Variants in SEMA6D observed in about 807,000 individuals in gnomAD.
SEMA6D encodes semaphorin 6D.
A neutral mutation model predicts 106.6 loss-of-function variants in SEMA6D; 35 were observed. The ratio of observed to expected loss-of-function variants is 0.33; its 90% CI spans 0.25 to 0.44. The LOEUF is 0.44. Among genes scored for constraint, SEMA6D ranks in the 20% least tolerant of loss-of-function variants. The probability of loss-of-function intolerance (pLI) is 1.00; values close to 1 mark genes in which losing one functional copy is unlikely to be tolerated. For missense variants in SEMA6D, 1,185 were observed against 1,345.9 expected (o/e 0.88, Z 1.87); for synonymous variants, 499 against 487.7 (o/e 1.02, Z -0.31).
intron 1 of SEMA6D, among the ~76,000 whole-genome samples, chr15:47,743,616 G>A (rs994366264): frequency 6.6e-5 from 10 of 152,186 alleles, no homozygotes; most frequent in Non-Finnish European, 1.5e-5. Flanking sequence ...GCCGGAGAAG[G>A]AAAAGAAGGA....
chr15:47,382,854 G>A (rs1195122024), intron 1 of SEMA6D, among the ~76,000 whole-genome samples: 3 of 152,156 alleles, frequency 2.0e-5, no homozygotes, highest in African/African-American at 7.2e-5. Context: ...TGTAACCTCC[G>A]GCTCCCGGGC....
intron 1 of SEMA6D, among the ~76,000 whole-genome samples, chr15:47,384,408 C>T (rs1373808097): frequency 6.6e-6 from 1 of 152,208 alleles, no homozygotes; most frequent in African/African-American, 2.4e-5. Flanking sequence ...TCCCACTCTT[C>T]CATCTGTCAG....
chr15:47,232,925 T>TA (rs1334404564), intron 1 of SEMA6D, among the ~76,000 whole-genome samples: 2 of 151,886 alleles, frequency 1.3e-5, no homozygotes, highest in Admixed American at 1.3e-4. Context: ...CACACACACA[T>TA]ACACACAAAT....
At chr15:47,471,367 C>G (rs929519624) in intron 3 of SEMA6D, among the ~76,000 whole-genome samples, 6 of 152,196 alleles carry the variant, frequency 3.9e-5, no homozygotes, top group African/African-American at 1.4e-4. Context: ...CTTTCCCCCC[C>G]AGAAATGGGT....
At chr15:47,690,017 C>T (rs914322641) in intron 4 of SEMA6D, among the ~76,000 whole-genome samples, 55 of 152,206 alleles carry the variant, frequency 3.6e-4, no homozygotes, top group Non-Finnish European at 1.6e-4. Context: ...TTAAAAACCC[C>T]CTCCATGGCC....
rs1338470445 is a variant in SEMA6D, at chr15:47,214,655, C to G, written c.-239+30237C>G. Among the ~76,000 whole-genome samples, 5 of 152,270 alleles carry G rather than the reference C, an allele frequency of 3.3e-5. No individual in the cohort carries two copies. In the East Asian group the frequency reaches 9.7e-4, roughly 29 times the overall value. ...CCACGTTAGAAATTCTCTTTGGACT[C>G]TCTAATCTTTCTGCCCTGATACAAA... On this transcript the variant is annotated intron_variant, in intron 1 of 19. Transcript: ENST00000558014.
At chr15:47,585,149 T>G (rs1410569095) in intron 3 of SEMA6D, among the ~76,000 whole-genome samples, 1 of 152,336 alleles carries the variant, frequency 6.6e-6, no homozygotes, top group Non-Finnish European at 1.5e-5. Context: ...TGATGTGACC[T>G]CACATAATAC....
intron 2 of SEMA6D, among the ~76,000 whole-genome samples, chr15:47,454,657 G>T (rs1220133439): frequency 6.6e-6 from 1 of 151,000 alleles, no homozygotes; most frequent in Non-Finnish European, 1.5e-5. Flanking sequence ...TTATCTCACA[G>T]GACATACTGA....
chr15:47,492,172 G>C (rs1045270449), intron 3 of SEMA6D, among the ~76,000 whole-genome samples: 16 of 152,260 alleles, frequency 1.1e-4, no homozygotes, highest in African/African-American at 3.6e-4. Context: ...CAAATGTTCA[G>C]TTCAAATGCT....
chr15:47,464,975 A>G (rs2042616361), intron 2 of SEMA6D, among the ~76,000 whole-genome samples: 1 of 152,106 alleles, frequency 6.6e-6, no homozygotes, highest in East Asian at 1.9e-4. Flanking sequence ...ATATGTATGA[A>G]TCCCAGTGAT....
At chr15:47,514,440 C>T (rs2044324483) in intron 3 of SEMA6D, among the ~76,000 whole-genome samples, 1 of 152,162 alleles carries the variant, frequency 6.6e-6, no homozygotes, top group Non-Finnish European at 1.5e-5. Flanking sequence ...GTATTATGGA[C>T]AAATGAAAAC....
At chr15:47,715,780 A>T (rs1010613673), upstream of SEMA6D, among the ~76,000 whole-genome samples, 1 of 152,014 alleles carries the variant, frequency 6.6e-6, no homozygotes, top group Non-Finnish European at 1.5e-5. Context: ...CCAGAATTTA[A>T]TTTTTTTTCC....
chr15:47,412,049 G>A (rs996334496), intron 1 of SEMA6D, among the ~76,000 whole-genome samples: 5 of 152,028 alleles, frequency 3.3e-5, no homozygotes, highest in Admixed American at 1.3e-4. Context: ...CATTAAAATT[G>A]GGTTGGTTAC....
At chr15:47,445,907 A>G (rs1032331244) in intron 2 of SEMA6D, among the ~76,000 whole-genome samples, 5 of 152,140 alleles carry the variant, frequency 3.3e-5, no homozygotes, top group Non-Finnish European at 1.5e-5. Flanking sequence ...TACATCAGCC[A>G]TGTGCTGGCA....
chr15:47,673,037 G>A (rs1596591507), intron 4 of SEMA6D, among the ~76,000 whole-genome samples: 1 of 151,982 alleles, frequency 6.6e-6, no homozygotes, highest in South Asian at 2.1e-4. Context: ...TAAAACACAG[G>A]AGGACCATTT....
chr15:47,403,616 C>T (rs909394833), intron 1 of SEMA6D, among the ~76,000 whole-genome samples: 1 of 152,128 alleles, frequency 6.6e-6, no homozygotes, highest in Non-Finnish European at 1.5e-5. Context: ...ATTGGTGGCA[C>T]AGAGGAGCAG....
rs1298672196 is a variant in SEMA6D, at chr15:47,760,424, C to T, written c.221+9C>T. On this transcript the variant is annotated intron_variant, in intron 3 of 18. Coordinates refer to ENST00000536845, the MANE Select transcript of SEMA6D (RefSeq NM_001358351.3). ...CTTTATATTGCTGGCAGGTAATTTT[C>T]CTCTCATTGGTTTATTAGATTAAAA... 6.3e-7 allele frequency: 1 copy of T among 1,599,016 alleles called. No individual in the cohort carries two copies.
chr15:47,574,366 A>G (rs1057152660), intron 3 of SEMA6D, among the ~76,000 whole-genome samples: 1 of 152,222 alleles, frequency 6.6e-6, no homozygotes, highest in Non-Finnish European at 1.5e-5. Flanking sequence ...CTGGTCTGAT[A>G]CATCTACCCC....
intron 1 of SEMA6D, among the ~76,000 whole-genome samples, chr15:47,326,656 A>G (rs2037142829): frequency 1.3e-5 from 2 of 152,352 alleles, no homozygotes; most frequent in South Asian, 4.1e-4. Context: ...GCTAAAGCTC[A>G]GAATGTGGAA....
Sources: allele counts gnomAD v4.1 joint callset (sites outside exome capture counted in the v4.1 genomes callset), GRCh38; gene constraint gnomAD v4.1.1; transcripts MANE v1.5; gene names NCBI Gene and HGNC (gene_info 2026-07-23, HGNC 2026-07-21).